The following THSD7B variants were observed in gnomAD, a reference collection of about 807,000 sequenced individuals.
THSD7B encodes thrombospondin type 1 domain containing 7B.
THSD7B carries 138 observed loss-of-function variants against 213.6 expected under a neutral mutation model. The ratio of observed to expected loss-of-function variants is 0.65; its 90% confidence interval spans 0.56 to 0.74. The LOEUF is 0.74. Ranked by LOEUF, THSD7B falls within the 30% of genes least tolerant of loss-of-function variation. The pLI, the probability that THSD7B is intolerant of heterozygous loss-of-function variation, is 0.00. For synonymous variants in THSD7B, 742 were observed against 687.0 expected, an observed-to-expected ratio of 1.08 and a Z score of -1.25; for missense variants, 1,931 against 1,991.5, an observed-to-expected ratio of 0.97 and a Z score of 0.58.
intron 2 of THSD7B, among the ~76,000 whole-genome samples, chr2:137,003,668 T>G (rs1321524847): frequency 6.6e-6 from 1 of 152,180 alleles, no homozygotes; most frequent in African/African-American, 2.4e-5. Flanking sequence ...GAAGTCATTC[T>G]CCTAGCCAAG....
chr2:137,521,398 G>A (rs1391661476), intron 15 of THSD7B, among the ~76,000 whole-genome samples: 1 of 152,110 alleles, frequency 6.6e-6, no homozygotes, highest in Non-Finnish European at 1.5e-5. Context: ...ACACTCATGG[G>A]TAGAGAGATC....
chr2:136,968,959 A>G (rs1229776285), intron 2 of THSD7B, among the ~76,000 whole-genome samples: 2 of 152,150 alleles, frequency 1.3e-5, no homozygotes, highest in Non-Finnish European at 2.9e-5. Flanking sequence ...AACAATATTA[A>G]TATAATTCAG....
chr2:137,110,533 T>G (rs1688329685), intron 4 of THSD7B, among the ~76,000 whole-genome samples: 1 of 152,172 alleles, frequency 6.6e-6, no homozygotes, highest in Non-Finnish European at 1.5e-5. Context: ...GCTCTCTCAC[T>G]CAAAGTAGGG....
intron 12 of THSD7B, among the ~76,000 whole-genome samples, chr2:137,320,122 A>G (rs1388199359): frequency 6.6e-6 from 1 of 152,234 alleles, no homozygotes; most frequent in African/African-American, 2.4e-5. Context: ...TAATGTGTTT[A>G]GGCCACTATA....
chr2:137,436,320 G>A, intron 14 of THSD7B, among the ~76,000 whole-genome samples: 1 of 152,080 alleles, frequency 6.6e-6, no homozygotes, highest in Middle Eastern at 3.4e-3. Flanking sequence ...TATATCAATA[G>A]TATCAGTTAG....
chr2:137,654,863 C>T (rs1683205933), intron 21 of THSD7B, among the ~76,000 whole-genome samples: 1 of 152,150 alleles, frequency 6.6e-6, no homozygotes, highest in Non-Finnish European at 1.5e-5. Context: ...CTTTATCAGG[C>T]AGATCGTTGG....
At chr2:137,101,226 C>T (rs1036891414) in intron 4 of THSD7B, among the ~76,000 whole-genome samples, 7 of 151,910 alleles carry the variant, frequency 4.6e-5, no homozygotes, top group Non-Finnish European at 8.8e-5. Context: ...TTAGTAGGGA[C>T]GAGGTTTCAT....
chr2:137,033,061 G>A (rs1475731504), intron 2 of THSD7B, among the ~76,000 whole-genome samples: 2 of 152,186 alleles, frequency 1.3e-5, no homozygotes, highest in African/African-American at 4.8e-5. Context: ...TCATTGTTAT[G>A]TGGAATAGCT....
chr2:137,195,236 A>G (rs565693232), intron 7 of THSD7B, among the ~76,000 whole-genome samples: 331 of 142,770 alleles, frequency 2.3e-3, no homozygotes, highest in South Asian at 4.5e-3. Context: ...GTATGTGTGT[A>G]TATATATATA....
At chr2:137,420,293 T>A (rs955622282) in intron 14 of THSD7B, among the ~76,000 whole-genome samples, 8 of 152,300 alleles carry the variant, frequency 5.3e-5, no homozygotes, top group African/African-American at 1.7e-4. Flanking sequence ...TCTTTTGCCT[T>A]CTGTACCTAT....
chr2:137,485,588 A>T (rs1040534685), intron 15 of THSD7B, among the ~76,000 whole-genome samples: 31 of 152,204 alleles, frequency 2.0e-4, no homozygotes, highest in Admixed American at 1.7e-3. Flanking sequence ...GATATTATCC[A>T]GGAGAACTTC....
At chr2:137,053,983 G>A (rs1485816417) in intron 2 of THSD7B, among the ~76,000 whole-genome samples, 1 of 152,218 alleles carries the variant, frequency 6.6e-6, no homozygotes, top group South Asian at 2.1e-4. Flanking sequence ...TATATGAATG[G>A]TCTGACATGA....
chr2:136,955,700 G>T (rs564651377), intron 2 of THSD7B, among the ~76,000 whole-genome samples: 10 of 152,162 alleles, frequency 6.6e-5, no homozygotes, highest in Non-Finnish European at 1.5e-4. Flanking sequence ...CAGGGCAATC[G>T]TGAGGGCATT....
chr2:136,816,487 C>T (rs1682476756), intron 1 of THSD7B, among the ~76,000 whole-genome samples: 1 of 152,128 alleles, frequency 6.6e-6, no homozygotes, highest in Non-Finnish European at 1.5e-5. Flanking sequence ...GGTTCCATTG[C>T]ATGAATGAGA....
chr2:136,921,147 C>T (rs1463335425), intron 2 of THSD7B, among the ~76,000 whole-genome samples: 1 of 151,250 alleles, frequency 6.6e-6, no homozygotes, highest in African/African-American at 2.4e-5. Context: ...CCTGGCTGTG[C>T]CTCCCCTGCT....
chr2:137,031,788 C>T (rs575004602), intron 2 of THSD7B, among the ~76,000 whole-genome samples: 9 of 151,684 alleles, frequency 5.9e-5, no homozygotes, highest in Non-Finnish European at 1.0e-4. Flanking sequence ...ATTCCCTTAT[C>T]CATGTCTTAA....
intron 10 of THSD7B, among the ~76,000 whole-genome samples, chr2:137,265,691 A>T (rs1682572873): frequency 6.6e-6 from 1 of 152,216 alleles, no homozygotes; most frequent in African/African-American, 2.4e-5. Flanking sequence ...CCTTTTCCAC[A>T]CATTTGAAAT....
At chr2:136,950,447 G>C (rs1288044555) in intron 2 of THSD7B, among the ~76,000 whole-genome samples, 1 of 152,052 alleles carries the variant, frequency 6.6e-6, no homozygotes, top group Admixed American at 6.6e-5. Flanking sequence ...TTTAAAAAAA[G>C]ATGCCCCAAG....
In THSD7B at chr2:137,056,162, C is replaced by A. The variant is rs193245527; in HGVS notation, c.140-258C>A. On this transcript the variant is annotated intron_variant, in intron 2 of 27. Coordinates refer to ENST00000409968, the MANE Select transcript of THSD7B (RefSeq NM_001316349.2). ...TTCTACAAGTCGGTGCTTTTATTAT[C>A]TTCTACCTTATATAGGTGAGGAACT... Among the ~76,000 whole-genome samples, 47 of 152,268 alleles carry A rather than the reference C, an allele frequency of 3.1e-4. 2 individuals are homozygous for A. In the East Asian group the frequency reaches 8.3e-3, roughly 27 times the overall value.
Sources: allele counts gnomAD v4.1 joint callset (sites outside exome capture counted in the v4.1 genomes callset), GRCh38; gene constraint gnomAD v4.1.1; transcripts MANE v1.5; gene names NCBI Gene and HGNC (gene_info 2026-07-23, HGNC 2026-07-21).